Variants in PTPRD observed in about 807,000 individuals in gnomAD.
PTPRD encodes protein tyrosine phosphatase receptor type D, also known as receptor-type tyrosine-protein phosphatase delta.
In PTPRD, 34 loss-of-function variants were observed where a neutral mutation model predicts 214.5. The observed-to-expected ratio is 0.16, with a 90% CI of 0.12 to 0.21. The LOEUF is 0.21. Among genes scored for constraint, PTPRD ranks in the 10% least tolerant of loss-of-function variants. The pLI is 1.00. For missense variants in PTPRD, 2,545 were observed against 2,398.7 expected (o/e 1.06, Z -1.27); for synonymous variants, 1,128 against 845.7 (o/e 1.33, Z -5.79).
rs28582231 is a variant in PTPRD, at chr9:9,835,451, A to G, written c.-367-68600T>C. 6.1e-3 allele frequency among the ~76,000 whole-genome samples: 929 copies of G among 152,262 alleles called. 7 individuals are homozygous for G. The highest frequency in any genetic ancestry group is 0.021 in the African/African-American group (881 of 41,558). On this transcript the variant is annotated intron_variant, in intron 5 of 45. Coordinates refer to ENST00000381196, the MANE Select transcript of PTPRD (RefSeq NM_002839.4). The stretch of plus-strand genomic sequence containing the variant: ...TGGCAGTGCAAGAATCTCTGTTATT[A>G]AGAAGATACAGTGATGTACATTGTA...
At chr9:8,671,902 G>A (rs2097295977) in intron 12 of PTPRD, among the ~76,000 whole-genome samples, 1 of 152,064 alleles carries the variant, frequency 6.6e-6, no homozygotes, top group East Asian at 1.9e-4. Context: ...CAAAGATATT[G>A]GAGTAACTAA....
chr9:8,807,159 A>T (rs1453083050), intron 11 of PTPRD, among the ~76,000 whole-genome samples: 1 of 152,158 alleles, frequency 6.6e-6, no homozygotes, highest in Non-Finnish European at 1.5e-5. Flanking sequence ...TAACACGGTG[A>T]AACCCCGTTT....
At chr9:9,931,915 G>GA (rs1360018517) in intron 5 of PTPRD, among the ~76,000 whole-genome samples, 5 of 151,444 alleles carry the variant, frequency 3.3e-5, no homozygotes, top group African/African-American at 1.2e-4. Context: ...GTGGGTCCCT[G>GA]ACCCCTGACC....
chr9:9,946,886 G>A (rs1283980751), intron 4 of PTPRD, among the ~76,000 whole-genome samples: 3 of 152,044 alleles, frequency 2.0e-5, no homozygotes, highest in East Asian at 1.9e-4. Context: ...ATTATGTGAA[G>A]CAGAACTATG....
chr9:9,358,239 C>T (rs2054627138), intron 9 of PTPRD, among the ~76,000 whole-genome samples: 1 of 151,014 alleles, frequency 6.6e-6, no homozygotes, highest in Non-Finnish European at 1.5e-5. Context: ...GGTTATATTG[C>T]CTGTTGTCTA....
intron 5 of PTPRD, among the ~76,000 whole-genome samples, chr9:9,850,885 A>C (rs776758649): frequency 2.6e-5 from 4 of 152,120 alleles, no homozygotes. Flanking sequence ...GCTTCTATGA[A>C]TTTGACCTTT....
intron 9 of PTPRD, among the ~76,000 whole-genome samples, chr9:9,188,730 T>C (rs1221547686): frequency 6.6e-6 from 1 of 151,920 alleles, no homozygotes; most frequent in Non-Finnish European, 1.5e-5. Flanking sequence ...GATTGCAGGA[T>C]CTAATGAGAG....
chr9:9,039,930 C>T lies in PTPRD; in HGVS notation c.-142-21195G>A, dbSNP rs564546359. Reference sequence around the variant, plus strand: ...ACCCCCAATGTATTGTCACCTGGGCCTGTTTGGAGGTCAGCCTATTTTCTC... The same window carrying T: ...ACCCCCAATGTATTGTCACCTGGGCTTGTTTGGAGGTCAGCCTATTTTCTC... On this transcript the variant is annotated intron_variant, in intron 10 of 45. Coordinates refer to ENST00000381196, the MANE Select transcript of PTPRD (RefSeq NM_002839.4). Among the ~76,000 whole-genome samples, 5 of 151,830 alleles carry T rather than the reference C, an allele frequency of 3.3e-5. No individual in the cohort carries two copies. The South Asian group carries it at 1.0e-3, about 32-fold the overall frequency.
intron 9 of PTPRD, among the ~76,000 whole-genome samples, chr9:9,391,484 A>G (rs570464390): frequency 4.3e-4 from 65 of 152,192 alleles, no homozygotes; most frequent in Non-Finnish European, 5.4e-4. Context: ...GCATGTGCCA[A>G]AATATAACTA....
At chr9:8,857,236 A>G (rs1054816713) in intron 11 of PTPRD, among the ~76,000 whole-genome samples, 1 of 152,058 alleles carries the variant, frequency 6.6e-6, no homozygotes, top group African/African-American at 2.4e-5. Flanking sequence ...CCTCCTTAAA[A>G]CAGTAATCCC....
intron 7 of PTPRD, among the ~76,000 whole-genome samples, chr9:9,588,293 G>C (rs1418926514): frequency 6.6e-6 from 1 of 151,878 alleles, no homozygotes; most frequent in African/African-American, 2.4e-5. Context: ...GCTGATTTCA[G>C]TTCATTCAGT....
chr9:9,704,928 G>A (rs908234961), intron 7 of PTPRD, among the ~76,000 whole-genome samples: 9 of 152,152 alleles, frequency 5.9e-5, no homozygotes, highest in Non-Finnish European at 7.3e-5. Flanking sequence ...CAAAATTCTT[G>A]ACCCCAAAAT....
chr9:10,167,205 A>C (rs997050101), intron 3 of PTPRD, among the ~76,000 whole-genome samples: 1 of 152,060 alleles, frequency 6.6e-6, no homozygotes, highest in Admixed American at 6.6e-5. Context: ...GAGAGAATTA[A>C]GAAATAATCT....
intron 2 of PTPRD, among the ~76,000 whole-genome samples, chr9:10,349,157 T>C (rs550424878): frequency 1.3e-5 from 2 of 150,530 alleles, no homozygotes; most frequent in African/African-American, 4.9e-5. Flanking sequence ...CAATCTCACA[T>C]GATAACTGTG....
chr9:8,876,600 A>G (rs1483384674), intron 11 of PTPRD, among the ~76,000 whole-genome samples: 1 of 152,204 alleles, frequency 6.6e-6, no homozygotes, highest in African/African-American at 2.4e-5. Context: ...GCAGAAATCT[A>G]TTCAAGAAGA....
chr9:9,637,936 G>A (rs1221141464), intron 7 of PTPRD, among the ~76,000 whole-genome samples: 2 of 152,140 alleles, frequency 1.3e-5, no homozygotes, highest in African/African-American at 4.8e-5. Context: ...TACAGACTTA[G>A]CATCATGTGA....
At chr9:9,669,651 C>T (rs1262669742) in intron 7 of PTPRD, among the ~76,000 whole-genome samples, 1 of 152,038 alleles carries the variant, frequency 6.6e-6, no homozygotes, top group Non-Finnish European at 1.5e-5. Flanking sequence ...ATATATTTGT[C>T]TTTAATGAAT....
intron 2 of PTPRD, among the ~76,000 whole-genome samples, chr9:10,575,836 T>C (rs1010612931): frequency 4.6e-5 from 7 of 152,116 alleles, no homozygotes; most frequent in African/African-American, 1.4e-4. Context: ...TCCAACATCA[T>C]TGCTACATTG....
intron 2 of PTPRD, among the ~76,000 whole-genome samples, chr9:10,495,833 T>C (rs2041878330): frequency 6.6e-6 from 1 of 151,770 alleles, no homozygotes; most frequent in Non-Finnish European, 1.5e-5. Context: ...ATATGTTACA[T>C]AGAATCTGTA....
Sources: gnomAD v4.1 joint callset for allele counts (sites outside exome capture counted in the v4.1 genomes callset) on GRCh38, gnomAD v4.1.1 for gene constraint, MANE v1.5 for transcripts, NCBI Gene and HGNC (gene_info 2026-07-23, HGNC 2026-07-21) for gene names.